CTCF: variants seen among roughly 807,000 people sequenced by gnomAD.
The protein encoded by CTCF is CCCTC-binding factor.
Under a neutral mutation model 72.3 loss-of-function variants are expected in CTCF, and 7 were observed. That is an observed-to-expected ratio of 0.10 (90% CI 0.06 to 0.18). The LOEUF (loss-of-function observed/expected upper bound fraction) is 0.18. CTCF is among the 10% of genes least tolerant of loss of function. CTCF has a pLI of 1.00. For missense variants in CTCF, 516 were observed against 949.1 expected (o/e 0.54, Z 6.00); for synonymous variants, 374 against 315.8 (o/e 1.18, Z -1.95).
chr16:67,636,895 G>GAA, intron 11 of CTCF, 44 bp downstream of exon 11: 1 of 1,431,246 alleles, frequency 7.0e-7, no homozygotes. Context: ...TCTTCTCCGA[G>GAA]CATGTGGGGG....
intron 2 of CTCF, among the ~76,000 whole-genome samples, chr16:67,584,691 C>T (rs762696680): frequency 6.6e-6 from 1 of 151,902 alleles, no homozygotes; most frequent in East Asian, 1.9e-4. Flanking sequence ...ATAAGTATTA[C>T]TCAAATTGAT....
chr16:67,573,450 A>AATAT (rs2051451801), intron 2 of CTCF, among the ~76,000 whole-genome samples: 1 of 152,082 alleles, frequency 6.6e-6, no homozygotes, highest in Admixed American at 6.6e-5. Flanking sequence ...TAAATAAATA[A>AATAT]ATATTAAATA....
intron 7 of CTCF, among the ~76,000 whole-genome samples, chr16:67,625,425 C>T (rs1447386917): frequency 8.5e-5 from 13 of 152,206 alleles, no homozygotes; most frequent in Non-Finnish European, 1.6e-4. Context: ...GTCTTGAACT[C>T]GTCACCTCAG....
At chr16:67,595,978 A>G (rs2051808749) in intron 2 of CTCF, among the ~76,000 whole-genome samples, 1 of 150,498 alleles carries the variant, frequency 6.6e-6, no homozygotes, top group East Asian at 2.0e-4. Context: ...TTTTTGAGAC[A>G]GAGTCTCTCT....
chr16:67,619,642 G>A (rs1346067125), intron 5 of CTCF, among the ~76,000 whole-genome samples: 6 of 152,244 alleles, frequency 3.9e-5, no homozygotes, highest in Non-Finnish European at 7.4e-5. Flanking sequence ...CTGCAGTGGC[G>A]TGATCATGGC....
At chr16:67,595,755 C>T (rs1175066402) in intron 2 of CTCF, among the ~76,000 whole-genome samples, 2 of 152,128 alleles carry the variant, frequency 1.3e-5, no homozygotes, top group Non-Finnish European at 2.9e-5. Flanking sequence ...GTCTCTGACT[C>T]TTAACAGTGA....
At chr16:67,593,012 T>G (rs1002951298) in intron 2 of CTCF, among the ~76,000 whole-genome samples, 2 of 149,924 alleles carry the variant, frequency 1.3e-5, no homozygotes, top group Non-Finnish European at 3.0e-5. Flanking sequence ...GGTGACAGAG[T>G]GAAACTCCAT....
intron 10 of CTCF, among the ~76,000 whole-genome samples, chr16:67,632,518 T>A (rs1272265819): frequency 6.6e-6 from 1 of 152,242 alleles, no homozygotes; most frequent in East Asian, 1.9e-4. Flanking sequence ...TTACTTGTCC[T>A]GACCCAGAAG....
chr16:67,637,247 C>T lies in CTCF; in HGVS notation c.1999+396C>T, dbSNP rs185395876. ...CACTGAGATTGCCCCTTCTAAGAAA[C>T]TCAGGGTCAGGCGGTGGCTCATGCC... On this transcript the variant is annotated intron_variant, in intron 11 of 11. Coordinates refer to ENST00000264010, the MANE Select transcript of CTCF (RefSeq NM_006565.4). Among the ~76,000 whole-genome samples the T allele has an allele frequency of 4.8e-4, 73 of 152,248 alleles. No homozygotes were observed. The East Asian group carries it at 0.014, about 29-fold the overall frequency.
intron 5 of CTCF, among the ~76,000 whole-genome samples, chr16:67,619,694 C>T (rs1347347529): frequency 6.6e-6 from 1 of 152,162 alleles, no homozygotes; most frequent in Non-Finnish European, 1.5e-5. Flanking sequence ...GATCCTCCCA[C>T]TTCAGCTGCT....
chr16:67,605,953 A>G (rs2051967890), intron 2 of CTCF, among the ~76,000 whole-genome samples: 1 of 152,244 alleles, frequency 6.6e-6, no homozygotes, highest in African/African-American at 2.4e-5. Flanking sequence ...TTTGTGAGCC[A>G]GAAGGGTGGT....
chr16:67,602,992 C>T (rs887131252), intron 2 of CTCF, among the ~76,000 whole-genome samples: 2 of 152,118 alleles, frequency 1.3e-5, no homozygotes, highest in East Asian at 1.9e-4. Context: ...TCAGACCATA[C>T]TTTGAATAAC....
At chr16:67,598,560 T>TA (rs1307353117) in intron 2 of CTCF, among the ~76,000 whole-genome samples, 1 of 152,092 alleles carries the variant, frequency 6.6e-6, no homozygotes, top group Non-Finnish European at 1.5e-5. Flanking sequence ...TGTAGCCAGC[T>TA]AAAAAAATGG....
intron 10 of CTCF, among the ~76,000 whole-genome samples, chr16:67,634,019 G>A (rs1033612737): frequency 1.3e-5 from 2 of 152,156 alleles, no homozygotes; most frequent in African/African-American, 4.8e-5. Flanking sequence ...CACATAAAAT[G>A]TGAATAATAG....
Position 67,628,357 on chromosome 16 carries a change from T to A in CTCF, c.1519-13T>A. 2 of 1,611,636 alleles carry A rather than the reference T, an allele frequency of 1.2e-6. No individual in the cohort carries two copies. The highest frequency in any genetic ancestry group is 1.7e-6 in the Non-Finnish European group (2 of 1,177,960). ...GAGCAGGCTCTGAGGCCTTTCCCCC[T>A]ATGCCGTTTCAGGAGAGGCACATGA... On this transcript the variant is annotated splice_polypyrimidine_tract_variant and intron_variant, in intron 8 of 11. Transcript: ENST00000264010.
intron 2 of CTCF, among the ~76,000 whole-genome samples, chr16:67,590,945 A>G (rs1200851366): frequency 7.9e-6 from 1 of 126,746 alleles, no homozygotes; most frequent in African/African-American, 3.2e-5. Flanking sequence ...TGGATGACAG[A>G]GTGAGACTCT....
intron 1 of CTCF, chr16:67,563,938 A>T (rs2051311433): frequency 6.6e-6 from 1 of 152,208 alleles, no homozygotes; most frequent in Non-Finnish European, 1.5e-5. Flanking sequence ...GCGATGAAAT[A>T]TGAGGGTTGA....
At chr16:67,626,072 A>C (rs1462142510) in intron 7 of CTCF, among the ~76,000 whole-genome samples, 1 of 151,804 alleles carries the variant, frequency 6.6e-6, no homozygotes, top group Non-Finnish European at 1.5e-5. Context: ...GAACAATCTT[A>C]ATTGTTCTCC....
rs777993880 is a variant in CTCF, at chr16:67,611,569, T to C, written c.737T>C (p.Val246Ala). 1 of 1,614,088 alleles carries C rather than the reference T, an allele frequency of 6.2e-7. No homozygotes were observed. Among genetic ancestry groups the C allele is most frequent in the South Asian group, 1.1e-5 (1 of 91,060 alleles). ...LLSEVNAEKVVGNMKPPKPTK... is the reference protein window; with the variant it reads ...LLSEVNAEKVAGNMKPPKPTK... The stretch of plus-strand genomic sequence containing the variant: ...TCAGAGGTTAATGCAGAGAAAGTGG[T>C]TGGTAATATGAAGCCTCCAAAGCCA... Residue 246 changes from valine (V) to alanine (A), a missense_variant, in exon 3 of 12, where the codon GTT becomes GCT. Val to Ala is a moderately conservative substitution (Grantham distance 64). Coordinates refer to ENST00000264010, the MANE Select transcript of CTCF (RefSeq NM_006565.4).
Sources: allele counts gnomAD v4.1 joint callset (sites outside exome capture counted in the v4.1 genomes callset), GRCh38; gene constraint gnomAD v4.1.1; transcripts MANE v1.5; gene names NCBI Gene and HGNC (gene_info 2026-07-23, HGNC 2026-07-21).